SHISA6: variants seen among roughly 807,000 people sequenced by gnomAD.
The protein encoded by SHISA6 is protein shisa-6.
In SHISA6, 22 loss-of-function variants were observed where a neutral mutation model predicts 47.9. The observed-to-expected ratio is 0.46, with a 90% CI of 0.33 to 0.66. The LOEUF is 0.66. Among genes scored for constraint, SHISA6 ranks in the 30% least tolerant of loss-of-function variants. The pLI is 0.02. For synonymous variants in SHISA6, 388 were observed against 337.8 expected (o/e 1.15, Z -1.63); for missense variants, 680 against 764.6 (o/e 0.89, Z 1.30).
At chr17:11,469,970 G>C (rs1012115174) in intron 3 of SHISA6, among the ~76,000 whole-genome samples, 5 of 152,080 alleles carry the variant, frequency 3.3e-5, no homozygotes, top group African/African-American at 1.2e-4. Flanking sequence ...CTATAGAACT[G>C]GTGTCCATAC....
At position 11,241,995 on chromosome 17, in the gene SHISA6, C is replaced by T. The variant is rs1316006105; in HGVS notation, c.573C>T (p.Ala191=). 1.9e-6 allele frequency: 3 copies of T among 1,550,956 alleles called. No homozygotes were observed. Among genetic ancestry groups the T allele is most frequent in the Admixed American group, 3.9e-5 (2 of 50,988 alleles). The change falls in exon 1 of 6, where the codon GCC becomes GCT. Residue 191 remains alanine, a synonymous_variant. Coordinates refer to ENST00000441885, the MANE Select transcript of SHISA6 (RefSeq NM_207386.4). The surrounding 1 kb of genome is among the most constrained non-coding windows in gnomAD (Gnocchi z 5.5). ...TCGVIAFVIV[A]GVFAKVSYDK... ...GGGTGATCGCCTTCGTCATCGTGGC[C>T]GGCGTCTTCGCCAAGGTCTCCTACG...
intron 3 of SHISA6, among the ~76,000 whole-genome samples, chr17:11,436,490 C>A (rs1914943871): frequency 6.6e-6 from 1 of 152,184 alleles, no homozygotes; most frequent in Admixed American, 6.5e-5. Flanking sequence ...TTATGGATTT[C>A]TGACTCCACC....
chr17:11,381,784 G>A (rs918891425), intron 3 of SHISA6, among the ~76,000 whole-genome samples: 8 of 152,202 alleles, frequency 5.3e-5, no homozygotes, highest in African/African-American at 1.9e-4. Flanking sequence ...CTGTGGGGCT[G>A]TGCTGTGTCT....
intron 2 of SHISA6, among the ~76,000 whole-genome samples, chr17:11,297,446 C>T (rs1000148034): frequency 1.3e-5 from 2 of 152,170 alleles, no homozygotes; most frequent in African/African-American, 2.4e-5. Context: ...GCTTGTTCCT[C>T]CATCTCTAGG....
At chr17:11,525,538 C>T (rs1349432764) in intron 3 of SHISA6, among the ~76,000 whole-genome samples, 1 of 143,472 alleles carries the variant, frequency 7.0e-6, no homozygotes, top group Non-Finnish European at 1.5e-5. Context: ...GAGGCGGAGG[C>T]AGGAGAATCG....
intron 2 of SHISA6, among the ~76,000 whole-genome samples, chr17:11,302,425 G>C (rs1909959833): frequency 6.6e-6 from 1 of 152,208 alleles, no homozygotes; most frequent in African/African-American, 2.4e-5. Context: ...CCTGTGTCCA[G>C]AATCCAGGTC....
chr17:11,444,206 C>A (rs1915171241), intron 3 of SHISA6, among the ~76,000 whole-genome samples: 1 of 152,178 alleles, frequency 6.6e-6, no homozygotes, highest in South Asian at 2.1e-4. Flanking sequence ...GTAGTCCCCA[C>A]TACTCAGGAG....
intron 4 of SHISA6, among the ~76,000 whole-genome samples, chr17:11,554,429 C>T (rs981934535): frequency 7.9e-5 from 12 of 152,090 alleles, no homozygotes; most frequent in South Asian, 2.1e-4. Flanking sequence ...CAGGAGTCCC[C>T]GGTGCTTGGG....
intron 3 of SHISA6, among the ~76,000 whole-genome samples, chr17:11,525,539 A>G (rs1466659584): frequency 1.4e-5 from 2 of 146,042 alleles, no homozygotes; most frequent in East Asian, 2.2e-4. Context: ...AGGCGGAGGC[A>G]GGAGAATCGC....
intron 3 of SHISA6, among the ~76,000 whole-genome samples, chr17:11,516,775 G>A (rs1189006788): frequency 1.3e-5 from 2 of 152,146 alleles, no homozygotes; most frequent in African/African-American, 2.4e-5. Context: ...GGGACAACTA[G>A]GACTGTTCCT....
chr17:11,385,450 C>T (rs117979859), intron 3 of SHISA6, among the ~76,000 whole-genome samples: 5,374 of 152,062 alleles, frequency 0.035, 175 homozygotes, highest in Admixed American at 0.09. Flanking sequence ...AGAAAAGACA[C>T]GTTTTGGGGC....
At chr17:11,532,309 G>A (rs564835909) in intron 3 of SHISA6, among the ~76,000 whole-genome samples, 7 of 152,196 alleles carry the variant, frequency 4.6e-5, no homozygotes, top group Non-Finnish European at 1.0e-4. Context: ...ACATGGAGAA[G>A]GAGTGTCTGA....
chr17:11,502,363 C>T (rs552408455), intron 3 of SHISA6, among the ~76,000 whole-genome samples: 1 of 140,574 alleles, frequency 7.1e-6, no homozygotes, highest in Admixed American at 7.5e-5. Context: ...GAGCTGAGAT[C>T]GCGCCACTGG....
chr17:11,387,704 G>C (rs1156740827), intron 3 of SHISA6, among the ~76,000 whole-genome samples: 3 of 152,118 alleles, frequency 2.0e-5, no homozygotes, highest in African/African-American at 7.2e-5. Flanking sequence ...TGTGACTTTG[G>C]GAAATAACAA....
chr17:11,505,025 CTCT>C (rs1338257376), intron 3 of SHISA6, among the ~76,000 whole-genome samples: 11 of 152,224 alleles, frequency 7.2e-5, no homozygotes, highest in Non-Finnish European at 1.2e-4. Context: ...ACTTCCACAT[CTCT>C]TCTTTAACTG....
chr17:11,519,682 T>C (rs1192177831), intron 3 of SHISA6, among the ~76,000 whole-genome samples: 2 of 152,092 alleles, frequency 1.3e-5, no homozygotes, highest in South Asian at 2.1e-4. Flanking sequence ...AAAACAATAA[T>C]AACAGCTGTA....
At chr17:11,406,364 C>T (rs1438754018) in intron 3 of SHISA6, among the ~76,000 whole-genome samples, 1 of 152,228 alleles carries the variant, frequency 6.6e-6, no homozygotes, top group Non-Finnish European at 1.5e-5. Context: ...AGCTCTTGCA[C>T]ACTGTGCAGC....
chr17:11,456,888 C>G (rs958868778), intron 3 of SHISA6, among the ~76,000 whole-genome samples: 1 of 152,192 alleles, frequency 6.6e-6, no homozygotes, highest in African/African-American at 2.4e-5. Flanking sequence ...CCTGGCCATT[C>G]AACTGGGGGA....
chr17:11,331,257 A>G (rs1911099510), intron 2 of SHISA6, among the ~76,000 whole-genome samples: 1 of 152,190 alleles, frequency 6.6e-6, no homozygotes, highest in Non-Finnish European at 1.5e-5. Context: ...AACATAAGAC[A>G]TTCCTTTGGA....
Sources: gnomAD v4.1 joint callset for allele counts (sites outside exome capture counted in the v4.1 genomes callset) on GRCh38, gnomAD v4.1.1 for gene constraint, Gnocchi (gnomAD v3.1) non-coding constraint, MANE v1.5 for transcripts, NCBI Gene and HGNC (gene_info 2026-07-23, HGNC 2026-07-21) for gene names.